The following CAMTA1 variants were observed in gnomAD, a reference collection of about 807,000 sequenced individuals.
CAMTA1 encodes calmodulin binding transcription activator 1, also known as calmodulin-binding transcription activator 1.
Under a neutral mutation model 170.9 loss-of-function variants are expected in CAMTA1, and 27 were observed. The observed-to-expected ratio is 0.16, with a 90% CI of 0.12 to 0.22. CAMTA1 has a LOEUF of 0.22. CAMTA1 is among the 10% of genes least tolerant of loss of function. The pLI is 1.00. For synonymous variants in CAMTA1, 833 were observed against 891.5 expected (o/e 0.93, Z 1.17); for missense variants, 1,619 against 2,217.2 (o/e 0.73, Z 5.42).
chr1:6,802,765 T>C (rs1195331843), intron 1 of CAMTA1, among the ~76,000 whole-genome samples: 1 of 151,974 alleles, frequency 6.6e-6, no homozygotes, highest in African/African-American at 2.4e-5. Flanking sequence ...GACAAGGTCT[T>C]ATTCTGTCGC....
chr1:7,114,750 T>A lies in CAMTA1; in HGVS notation c.302+23379T>A, dbSNP rs150578336. Among the ~76,000 whole-genome samples the A allele has an allele frequency of 9.4e-3, 1,337 of 141,564 alleles. 16 individuals carry two copies. Among genetic ancestry groups the A allele is most frequent in the South Asian group, 0.036 (145 of 4,080 alleles). The allele number at this position is 141,564 out of a possible 152,430, so 92.9% of individuals were successfully genotyped here. ...GCTGATGGTGGTGTTCCAGTCTGAG[T>A]CCGAAAACCTGAGACCCAGGAGAGC... On this transcript the variant is annotated intron_variant, in intron 4 of 22. Coordinates refer to ENST00000303635, the MANE Select transcript of CAMTA1 (RefSeq NM_015215.4).
At chr1:7,386,036 C>T (rs1240130464) in intron 5 of CAMTA1, among the ~76,000 whole-genome samples, 2 of 152,180 alleles carry the variant, frequency 1.3e-5, no homozygotes, top group African/African-American at 4.8e-5. Flanking sequence ...GGCTCCTCCG[C>T]TCCCCCAGAG....
At chr1:6,793,036 T>C (rs1288114092) in intron 1 of CAMTA1, among the ~76,000 whole-genome samples, 3 of 152,064 alleles carry the variant, frequency 2.0e-5, no homozygotes, top group Admixed American at 6.6e-5. Flanking sequence ...TATATATATA[T>C]ACCCCACTCT....
intron 6 of CAMTA1, among the ~76,000 whole-genome samples, chr1:7,487,016 T>G (rs2093627505): frequency 8.8e-6 from 1 of 113,812 alleles, no homozygotes; most frequent in Non-Finnish European, 1.9e-5. Flanking sequence ...ACTCAAGGGT[T>G]GTTGGGAGGG....
At chr1:7,607,152 G>A (rs907115073) in intron 6 of CAMTA1, among the ~76,000 whole-genome samples, 1 of 151,786 alleles carries the variant, frequency 6.6e-6, no homozygotes, top group Non-Finnish European at 1.5e-5. Context: ...TGGATGGATG[G>A]ATGGTTAGAT....
At chr1:7,397,614 C>A (rs1209985313) in intron 5 of CAMTA1, among the ~76,000 whole-genome samples, 1 of 151,886 alleles carries the variant, frequency 6.6e-6, no homozygotes, top group Non-Finnish European at 1.5e-5. Context: ...TATTTGAGAT[C>A]TTTCTACTTT....
intron 6 of CAMTA1, among the ~76,000 whole-genome samples, chr1:7,528,028 C>T (rs1048985129): frequency 3.3e-5 from 5 of 152,120 alleles, no homozygotes; most frequent in East Asian, 1.9e-4. Flanking sequence ...TTAGGAAGCC[C>T]GTGACCACTG....
chr1:7,487,614 G>GTGAGGC (rs140608304), intron 6 of CAMTA1, among the ~76,000 whole-genome samples: 1 of 152,132 alleles, frequency 6.6e-6, no homozygotes, highest in Non-Finnish European at 1.5e-5. Context: ...CAGCCTGCAG[G>GTGAGGC]TGAGGCTGAG....
chr1:7,439,598 C>T (rs944443724), intron 5 of CAMTA1, among the ~76,000 whole-genome samples: 6 of 152,216 alleles, frequency 3.9e-5, no homozygotes, highest in African/African-American at 2.4e-5. Flanking sequence ...CTCAAGCCTG[C>T]GCATGGTACG....
rs781538561 is a variant in CAMTA1, at chr1:7,609,774, A to AGGT, written c.511-30623_511-30621dup. Among the ~76,000 whole-genome samples the AGGT allele has an allele frequency of 6.6e-6, 1 of 152,192 alleles. No homozygotes were observed. Among genetic ancestry groups the AGGT allele is most frequent in the Non-Finnish European group, 1.5e-5 (1 of 68,036 alleles). ...GCCTCTCTTTCCTGTCTGCAAAGCC[A>AGGT]GGTGGGAACTGCCCTCCCGCAGGGC... On this transcript the variant is annotated intron_variant, in intron 6 of 22. Transcript: ENST00000303635. The surrounding 1 kb of genome is among the most constrained non-coding windows in gnomAD (Gnocchi z 4.4).
chr1:6,873,975 A>G (rs1273516419), intron 3 of CAMTA1: 1 of 152,244 alleles, frequency 6.6e-6, no homozygotes, highest in Non-Finnish European at 1.5e-5. Flanking sequence ...AAGACTTCAG[A>G]AGACTTTCAT....
Position 7,435,091 on chromosome 1 carries a change from A to G in CAMTA1, c.439-32739A>G, listed in dbSNP as rs2092305930. 6.6e-6 allele frequency among the ~76,000 whole-genome samples: 1 copy of G among 152,172 alleles called. No individual in the cohort carries two copies. ...AAAAAAAGAAGGCAGAGGGCATGCT[A>G]GCTGAATGCTGCCTGAAGCCTTTTT... On this transcript the variant is annotated intron_variant, in intron 5 of 22. Coordinates refer to ENST00000303635, the MANE Select transcript of CAMTA1 (RefSeq NM_015215.4). This position sits in a 1 kb window ranked among gnomAD's most constrained non-coding sequence, Gnocchi z 4.4.
At chr1:7,354,233 C>T (rs1468024919) in intron 5 of CAMTA1, among the ~76,000 whole-genome samples, 1 of 151,604 alleles carries the variant, frequency 6.6e-6, no homozygotes, top group Non-Finnish European at 1.5e-5. Context: ...ACTGCAAGCT[C>T]CACCTCCTGG....
rs116348123 is a variant in CAMTA1, at chr1:7,645,435, C to T, written c.664+4882C>T. 4.2e-3 allele frequency among the ~76,000 whole-genome samples: 641 copies of T among 152,390 alleles called. 3 individuals are homozygous for T. The highest frequency in any genetic ancestry group is 0.012 in the African/African-American group (488 of 41,596). On this transcript the variant is annotated intron_variant, in intron 7 of 22. Transcript: ENST00000303635. The stretch of plus-strand genomic sequence containing the variant: ...GGCACGCCAGGCATTTCCCAGCAAG[C>T]TGTTGGTGAGGTTGTTCCATCCGGA...
At chr1:7,161,229 T>A (rs146471498) in intron 4 of CAMTA1, among the ~76,000 whole-genome samples, 1,604 of 152,336 alleles carry the variant, frequency 0.011, 14 homozygotes, top group Non-Finnish European at 0.015. Context: ...TTCATCTCTC[T>A]GTGCCCTTTT....
At chr1:7,262,729 C>T (rs1668358664) in intron 5 of CAMTA1, among the ~76,000 whole-genome samples, 2 of 152,178 alleles carry the variant, frequency 1.3e-5, no homozygotes, top group African/African-American at 4.8e-5. Context: ...TGGGCGATGC[C>T]ATTTCTTGTT....
At chr1:6,826,619 T>TA (rs1309611835) in intron 3 of CAMTA1, among the ~76,000 whole-genome samples, 1 of 152,246 alleles carries the variant, frequency 6.6e-6, no homozygotes, top group Non-Finnish European at 1.5e-5. Context: ...TTATACACGT[T>TA]AGTTCTAGTT....
chr1:7,408,367 G>A (rs375431035), intron 5 of CAMTA1, among the ~76,000 whole-genome samples: 13 of 152,328 alleles, frequency 8.5e-5, no homozygotes, highest in East Asian at 3.9e-4. Flanking sequence ...AGCCTTCTGC[G>A]AGCAGCGGGG....
rs79310103 is a variant in CAMTA1 at position 7,153,612 on chromosome 1, G to A, written c.302+62241G>A. Among the ~76,000 whole-genome samples the A allele has an allele frequency of 8.0e-3, 1,225 of 152,184 alleles. 15 individuals carry two copies. Among genetic ancestry groups the A allele is most frequent in the African/African-American group, 0.027 (1,135 of 41,518 alleles). On this transcript the variant is annotated intron_variant, in intron 4 of 22. Transcript: ENST00000303635. ...AAGGAGAAAGGTCCAGAGCCCAGGC[G>A]GGAGGGAAAAGATGAGGCGAGTGAC...
Sources: gnomAD v4.1 joint callset for allele counts (sites outside exome capture counted in the v4.1 genomes callset) on GRCh38, gnomAD v4.1.1 for gene constraint, Gnocchi (gnomAD v3.1) non-coding constraint, MANE v1.5 for transcripts, NCBI Gene and HGNC (gene_info 2026-07-23, HGNC 2026-07-21) for gene names.